TTLL7: variants seen among roughly 807,000 people sequenced by gnomAD.
TTLL7 encodes tubulin polyglutamylase TTLL7.
In TTLL7, 53 loss-of-function variants were observed where a neutral mutation model predicts 120.2. The observed-to-expected ratio is 0.44, with a 90% CI of 0.35 to 0.55. The LOEUF is 0.55. TTLL7 is among the 20% of genes least tolerant of loss of function. The probability of loss-of-function intolerance (pLI) is 0.00; values close to 1 mark genes in which losing one functional copy is unlikely to be tolerated. For missense variants in TTLL7, 803 were observed against 1,054.7 expected, an observed-to-expected ratio of 0.76 and a Z score of 3.31; for synonymous variants, 353 against 351.7, an observed-to-expected ratio of 1.00 and a Z score of -0.04.
intron 1 of TTLL7, among the ~76,000 whole-genome samples, chr1:83,953,858 G>A (rs1649284714): frequency 1.3e-5 from 2 of 152,054 alleles, no homozygotes; most frequent in Non-Finnish European, 2.9e-5. Context: ...CCCTACTGCA[G>A]TACATGCCGC....
chr1:83,917,785 T>G, intron 13 of TTLL7, 95 bp from the exon 14 acceptor site: 1 of 767,942 alleles, frequency 1.3e-6, no homozygotes, highest in Non-Finnish European at 2.1e-6. Flanking sequence ...AGAGCAAGGA[T>G]TCCTGAAATT....
At chr1:83,983,814 GAGTGCAGTGGCTCAC>G (rs1331482939) in intron 1 of TTLL7, 1 of 152,238 alleles carries the variant, frequency 6.6e-6, no homozygotes, top group East Asian at 1.9e-4. Flanking sequence ...GCAAAAGGCT[GAGTGCAGTGGCTCAC>G]ACCTGTGATC....
intron 1 of TTLL7, among the ~76,000 whole-genome samples, chr1:83,977,380 T>C (rs1397207694): frequency 6.6e-6 from 1 of 152,168 alleles, no homozygotes; most frequent in Non-Finnish European, 1.5e-5. Context: ...CCAGTCTTTC[T>C]GGAATGTTAA....
intron 1 of TTLL7, among the ~76,000 whole-genome samples, chr1:83,957,671 C>A (rs893187296): frequency 1.3e-5 from 2 of 152,128 alleles, no homozygotes; most frequent in Non-Finnish European, 2.9e-5. Flanking sequence ...GGGAAGGAAA[C>A]CCATATTCCT....
intron 1 of TTLL7, among the ~76,000 whole-genome samples, chr1:83,965,104 C>G (rs930488785): frequency 1.5e-5 from 1 of 67,422 alleles, no homozygotes; most frequent in Admixed American, 2.0e-4. Context: ...CAATCTCTCC[C>G]CAGTCAATCT....
At chr1:83,916,433 T>C (rs539153666) in intron 14 of TTLL7, among the ~76,000 whole-genome samples, 24 of 140,984 alleles carry the variant, frequency 1.7e-4, no homozygotes, top group Middle Eastern at 4.0e-3. Context: ...TAGGTGGGAA[T>C]TGAACAATGA....
chr1:83,924,750 A>T (rs902272944), intron 10 of TTLL7, among the ~76,000 whole-genome samples: 6 of 152,176 alleles, frequency 3.9e-5, no homozygotes, highest in Non-Finnish European at 7.4e-5. Context: ...ACCACAATTT[A>T]AAAAAGTCAG....
chr1:83,942,341 C>T, intron 7 of TTLL7, 122 bp downstream of exon 7: 1 of 720,850 alleles, frequency 1.4e-6, no homozygotes, highest in Non-Finnish European at 2.2e-6. Context: ...CACAATTCTT[C>T]CAGACCACAA....
chr1:83,966,850 G>T lies in TTLL7; in HGVS notation c.-176-14463C>A, dbSNP rs554952737. Reference sequence around the variant, plus strand: ...GCAGAATCCATGTCAGAAGCTGAAAGAAAAACCCAGAAAATAGTGAAACAC... The same window carrying T: ...GCAGAATCCATGTCAGAAGCTGAAATAAAAACCCAGAAAATAGTGAAACAC... On this transcript the variant is annotated intron_variant, in intron 1 of 20. Transcript: ENST00000260505. Among the ~76,000 whole-genome samples the T allele has an allele frequency of 7.9e-5, 12 of 152,136 alleles. No individual in the cohort carries two copies. In the East Asian group the frequency reaches 2.3e-3, roughly 29 times the overall value.
Position 83,904,981 on chromosome 1 carries a change from TC to T in TTLL7, c.2128-823del, listed in dbSNP as rs1402315354. 8.5e-5 allele frequency among the ~76,000 whole-genome samples: 13 copies of T among 152,136 alleles called. No individual in the cohort carries two copies. The East Asian group carries it at 2.3e-3, about 27-fold the overall frequency. ...ATTAATTATATAAGCCTATATACAT[TC>T]TTTATAGAACAATCATGATAGTCAG... On this transcript the variant is annotated intron_variant, in intron 17 of 20. Coordinates refer to ENST00000260505, the MANE Select transcript of TTLL7 (RefSeq NM_024686.6).
chr1:83,954,194 C>T (rs12131968), intron 1 of TTLL7, among the ~76,000 whole-genome samples: 6,268 of 152,092 alleles, frequency 0.041, 156 homozygotes, highest in Middle Eastern at 0.099. Flanking sequence ...CAAGCTTCAC[C>T]TAACTATACT....
At chr1:83,873,250 C>T (rs1433423613) in intron 20 of TTLL7, among the ~76,000 whole-genome samples, 5 of 152,134 alleles carry the variant, frequency 3.3e-5, no homozygotes, top group Non-Finnish European at 7.4e-5. Flanking sequence ...GGAAGAAACA[C>T]TTTTCTTCCC....
rs561154634 is a variant in TTLL7 at position 83,928,709 on chromosome 1, G to A, written c.1142+427C>T. Among the ~76,000 whole-genome samples, 26 of 152,066 alleles carry A rather than the reference G, an allele frequency of 1.7e-4. 1 individual carries two copies. In the South Asian group the frequency reaches 5.2e-3, roughly 30 times the overall value. On this transcript the variant is annotated intron_variant, in intron 10 of 20. Coordinates refer to ENST00000260505, the MANE Select transcript of TTLL7 (RefSeq NM_024686.6). ...GTTTGAGTTTTTTTTTTAATTTCCTGAATGAACTCTTTGTGCTTTAGTTTC... is the reference window on the plus strand; with the variant it reads ...GTTTGAGTTTTTTTTTTAATTTCCTAAATGAACTCTTTGTGCTTTAGTTTC...
At position 83,995,183 on chromosome 1, in the gene TTLL7, G is replaced by A. The variant is rs148254616; in HGVS notation, c.-177+3748C>T. ...AATCTGAGGAGCCACAGACAAGATTGGGTGTTATGAATTATTAATATGCAA... is the reference window on the plus strand; with the variant it reads ...AATCTGAGGAGCCACAGACAAGATTAGGTGTTATGAATTATTAATATGCAA... On this transcript the variant is annotated intron_variant, in intron 1 of 20. Coordinates refer to ENST00000260505, the MANE Select transcript of TTLL7 (RefSeq NM_024686.6). Among the ~76,000 whole-genome samples the A allele has an allele frequency of 1.3e-3, 200 of 152,180 alleles. 6 individuals carry two copies. The Middle Eastern group carries it at 0.02, about 16-fold the overall frequency.
rs191087207 is a variant in TTLL7, at chr1:83,900,238, G to C, written c.2208+3841C>G. ...AGAAAGAAGCAGCTAGCTTGCTACT[G>C]AGTCTAGAATTAAAAGAGTCTAGAA... On this transcript the variant is annotated intron_variant, in intron 18 of 20. Transcript: ENST00000260505. 9.3e-4 allele frequency: 375 copies of C among 404,558 alleles called. 1 individual carries two copies. The highest frequency in any genetic ancestry group is 7.6e-3 in the African/African-American group (358 of 47,106). The allele number at this position is 404,558 out of a possible 1,614,324, so 25.1% of individuals were successfully genotyped here.
chr1:83,986,316 T>C (rs899473501), intron 1 of TTLL7, among the ~76,000 whole-genome samples: 1 of 152,044 alleles, frequency 6.6e-6, no homozygotes, highest in Non-Finnish European at 1.5e-5. Flanking sequence ...GATTCAATAT[T>C]CAAAAATAAA....
chr1:83,900,233 C>T (rs922835749), intron 18 of TTLL7: 29 of 404,852 alleles, frequency 7.2e-5, no homozygotes, highest in African/African-American at 6.0e-4. Flanking sequence ...AGCTAGCTTG[C>T]TACTGAGTCT....
At chr1:83,886,234 C>T (rs540267497) in intron 19 of TTLL7, among the ~76,000 whole-genome samples, 26 of 152,090 alleles carry the variant, frequency 1.7e-4, no homozygotes, top group African/African-American at 6.3e-4. Flanking sequence ...CCTTTCTCTA[C>T]TGGTACAAGT....
intron 1 of TTLL7, among the ~76,000 whole-genome samples, chr1:83,994,941 G>A (rs765457569): frequency 1.3e-4 from 20 of 152,300 alleles, no homozygotes; most frequent in Non-Finnish European, 2.2e-4. Flanking sequence ...GGAATGCAGA[G>A]GTTTACAGCT....
Sources: allele counts gnomAD v4.1 joint callset (sites outside exome capture counted in the v4.1 genomes callset), GRCh38; gene constraint gnomAD v4.1.1; transcripts MANE v1.5; gene names NCBI Gene and HGNC (gene_info 2026-07-23, HGNC 2026-07-21).